INSYN2B: variants seen among roughly 807,000 people sequenced by gnomAD.
INSYN2B encodes the protein inhibitory synaptic factor family member 2B, also known as protein INSYN2B.
A neutral mutation model predicts 41.2 loss-of-function variants in INSYN2B; 16 were observed. The ratio of observed to expected loss-of-function variants is 0.39; its 90% CI spans 0.26 to 0.59. The LOEUF (loss-of-function observed/expected upper bound fraction) is 0.59. INSYN2B is among the 20% of genes least tolerant of loss of function. The probability of loss-of-function intolerance (pLI) is 0.57; values close to 1 mark genes in which losing one functional copy is unlikely to be tolerated. For missense variants in INSYN2B, 608 were observed against 646.4 expected (o/e 0.94, Z 0.64); for synonymous variants, 245 against 244.4 (o/e 1.00, Z -0.02).
intron 2 of INSYN2B, among the ~76,000 whole-genome samples, 151 bp from the exon 3 acceptor site, chr5:169,881,593 A>G (rs1229820419): frequency 1.3e-5 from 2 of 152,242 alleles, no homozygotes; most frequent in African/African-American, 4.8e-5. Context: ...CAAGAATGTC[A>G]CGACAATAGG....
chr5:169,967,227 C>G (rs539621746), intron 1 of INSYN2B, among the ~76,000 whole-genome samples: 4 of 152,170 alleles, frequency 2.6e-5, no homozygotes, highest in Admixed American at 2.6e-4. Context: ...AGAGGAGGGC[C>G]CTGACCACAG....
At chr5:169,977,804 G>C (rs1318384024) in intron 1 of INSYN2B, among the ~76,000 whole-genome samples, 1 of 152,178 alleles carries the variant, frequency 6.6e-6, no homozygotes, top group Non-Finnish European at 1.5e-5. Context: ...TGAACTGCCT[G>C]ATAAAGCTCT....
chr5:169,936,295 G>T (rs1775991011), intron 1 of INSYN2B, among the ~76,000 whole-genome samples: 1 of 152,164 alleles, frequency 6.6e-6, no homozygotes, highest in Non-Finnish European at 1.5e-5. Flanking sequence ...CAGAGATGGG[G>T]CTAGGCTGCA....
intron 1 of INSYN2B, among the ~76,000 whole-genome samples, chr5:169,954,981 G>A (rs1322759145): frequency 1.3e-5 from 2 of 152,220 alleles, no homozygotes; most frequent in Non-Finnish European, 2.9e-5. Context: ...TGTGCCTCCT[G>A]TGACTTGGCA....
At chr5:169,916,230 A>G (rs1447229072) in intron 1 of INSYN2B, among the ~76,000 whole-genome samples, 1 of 152,198 alleles carries the variant, frequency 6.6e-6, no homozygotes, top group Non-Finnish European at 1.5e-5. Flanking sequence ...CTTCTAAACA[A>G]GTTACCTCTG....
chr5:169,864,326 C>G lies in INSYN2B; in HGVS notation c.1555G>C (p.Asp519His). ...PAEPPAPEKQDLRRKTKKVKK... is the reference protein window; with the variant it reads ...PAEPPAPEKQHLRRKTKKVKK... ...ACCTTCTTGGTTTTCCGCCTTAAGT[C>G]CTGCTTTTCCGGGGCTGGGGGTTCT... is the stretch of plus-strand genomic sequence containing the variant. Residue 519 changes from aspartate (D) to histidine (H), a missense_variant, in exon 4 of 4, where the codon GAC becomes CAC. Transcript: ENST00000377365. 6.4e-7 allele frequency: 1 copy of G among 1,551,644 alleles called. No individual in the cohort carries two copies. Among genetic ancestry groups the G allele is most frequent in the Non-Finnish European group, 8.7e-7 (1 of 1,146,974 alleles).
intron 1 of INSYN2B, among the ~76,000 whole-genome samples, chr5:169,974,448 A>G (rs1777641601): frequency 6.6e-6 from 1 of 152,250 alleles, no homozygotes; most frequent in Non-Finnish European, 1.5e-5. Context: ...TTAGCCTAGT[A>G]TCTAACATGT....
At chr5:169,936,228 C>T (rs1208263746) in intron 1 of INSYN2B, among the ~76,000 whole-genome samples, 2 of 152,290 alleles carry the variant, frequency 1.3e-5, no homozygotes, top group South Asian at 2.1e-4. Flanking sequence ...GAGGCCCAAG[C>T]GTGATAACAC....
At chr5:169,917,924 AG>A (rs2113641354) in intron 1 of INSYN2B, among the ~76,000 whole-genome samples, 1 of 152,358 alleles carries the variant, frequency 6.6e-6, no homozygotes, top group Admixed American at 6.5e-5. Context: ...GTCTCATTTC[AG>A]GGCAGAGGGA....
At chr5:169,921,944 A>C (rs1775198290) in intron 1 of INSYN2B, among the ~76,000 whole-genome samples, 1 of 152,244 alleles carries the variant, frequency 6.6e-6, no homozygotes, top group Non-Finnish European at 1.5e-5. Flanking sequence ...AAAATGCTCC[A>C]GAGAGGTTGG....
At chr5:169,891,395 A>G (rs907337675) in intron 1 of INSYN2B, among the ~76,000 whole-genome samples, 4 of 152,236 alleles carry the variant, frequency 2.6e-5, no homozygotes, top group Non-Finnish European at 5.9e-5. Context: ...TAGAGGCTTC[A>G]AGGAATCATA....
Position 169,967,771 on chromosome 5 carries a change from A to G in INSYN2B, c.-919+12506T>C, listed in dbSNP as rs561605454. 2.0e-5 allele frequency among the ~76,000 whole-genome samples: 3 copies of G among 152,340 alleles called. No individual in the cohort carries two copies. The South Asian group carries it at 6.2e-4, about 32-fold the overall frequency. On this transcript the variant is annotated intron_variant, in intron 1 of 3. Coordinates refer to ENST00000377365, the MANE Select transcript of INSYN2B (RefSeq NM_001129891.3). ...GGTACTGATGATGGTAGCGTCAATCAGTGCAGTAAGAGTGTAGGGAGAGAA... is the reference window on the plus strand; with the variant it reads ...GGTACTGATGATGGTAGCGTCAATCGGTGCAGTAAGAGTGTAGGGAGAGAA...
intron 1 of INSYN2B, among the ~76,000 whole-genome samples, chr5:169,977,561 G>C (rs183781559): frequency 1.1e-4 from 16 of 152,296 alleles, no homozygotes; most frequent in Admixed American, 2.6e-4. Context: ...ACAAGACCCT[G>C]CTCGAGGTCA....
chr5:169,924,099 C>A (rs1775314049), intron 1 of INSYN2B, among the ~76,000 whole-genome samples: 1 of 152,152 alleles, frequency 6.6e-6, no homozygotes, highest in Admixed American at 6.5e-5. Flanking sequence ...CCTGCTGTGC[C>A]CCCTGGAATC....
At chr5:169,878,406 G>C (rs1283537574) in intron 3 of INSYN2B, among the ~76,000 whole-genome samples, 1 of 152,260 alleles carries the variant, frequency 6.6e-6, no homozygotes, top group East Asian at 1.9e-4. Context: ...TGGAAATGCA[G>C]ACCTGCATCA....
intron 1 of INSYN2B, among the ~76,000 whole-genome samples, chr5:169,973,129 T>C (rs1777588084): frequency 6.6e-6 from 1 of 152,202 alleles, no homozygotes; most frequent in African/African-American, 2.4e-5. Context: ...CACAAAGTAA[T>C]CTTCCCTCCT....
intron 1 of INSYN2B, among the ~76,000 whole-genome samples, chr5:169,945,306 GTTCTC>G (rs1474199679): frequency 2.6e-5 from 4 of 152,246 alleles, no homozygotes; most frequent in African/African-American, 9.6e-5. Context: ...CCGAGTGGTA[GTTCTC>G]TTCTCTCCTC....
intron 1 of INSYN2B, among the ~76,000 whole-genome samples, chr5:169,896,505 G>A (rs1301933317): frequency 6.6e-6 from 1 of 152,176 alleles, no homozygotes; most frequent in Admixed American, 6.5e-5. Context: ...TACTTAAGAA[G>A]ATGTAGCTAA....
intron 1 of INSYN2B, among the ~76,000 whole-genome samples, chr5:169,927,274 G>A (rs532779413): frequency 9.2e-5 from 14 of 152,150 alleles, no homozygotes; most frequent in African/African-American, 9.7e-5. Flanking sequence ...AGATCCTCTA[G>A]AGCCTTGTAG....
Sources: gnomAD v4.1 joint callset for allele counts (sites outside exome capture counted in the v4.1 genomes callset) on GRCh38, gnomAD v4.1.1 for gene constraint, MANE v1.5 for transcripts, NCBI Gene and HGNC (gene_info 2026-07-23, HGNC 2026-07-21) for gene names.